SH3RF3: variants seen among roughly 807,000 people sequenced by gnomAD.
SH3RF3 encodes the protein E3 ubiquitin-protein ligase SH3RF3.
A neutral mutation model predicts 66.3 loss-of-function variants in SH3RF3; 29 were observed. That is an observed-to-expected ratio of 0.44 (90% CI 0.33 to 0.60). SH3RF3 has a LOEUF of 0.60. Ranked by LOEUF, SH3RF3 falls within the 20% of genes least tolerant of loss-of-function variation. The pLI, the probability that SH3RF3 is intolerant of heterozygous loss-of-function variation, is 0.04. For synonymous variants in SH3RF3, 583 were observed against 532.0 expected (o/e 1.10, Z -1.32); for missense variants, 1,194 against 1,190.9 (o/e 1.00, Z -0.04).
intron 1 of SH3RF3, among the ~76,000 whole-genome samples, chr2:109,165,310 T>C (rs993124311): frequency 6.6e-6 from 1 of 152,196 alleles, no homozygotes; most frequent in East Asian, 1.9e-4. Flanking sequence ...GGCCACTGTT[T>C]GCGTTTTCTC....
At chr2:109,227,731 G>A (rs1679403505) in intron 1 of SH3RF3, among the ~76,000 whole-genome samples, 2 of 152,200 alleles carry the variant, frequency 1.3e-5, no homozygotes, top group African/African-American at 4.8e-5. Context: ...CCAGAATCTT[G>A]TGCAGTCCTT....
At chr2:109,257,247 G>T (rs2105278337) in intron 1 of SH3RF3, among the ~76,000 whole-genome samples, 1 of 152,200 alleles carries the variant, frequency 6.6e-6, no homozygotes, top group South Asian at 2.1e-4. Flanking sequence ...AAGTCATGTT[G>T]TTCGTTCTGT....
intron 1 of SH3RF3, among the ~76,000 whole-genome samples, chr2:109,211,367 A>G (rs1678970704): frequency 6.6e-6 from 1 of 152,256 alleles, no homozygotes; most frequent in Admixed American, 6.5e-5. Context: ...ATTTAATGAA[A>G]TTCACAGAAG....
intron 1 of SH3RF3, among the ~76,000 whole-genome samples, chr2:109,172,322 C>T (rs576006276): frequency 2.0e-4 from 30 of 152,202 alleles, no homozygotes; most frequent in Non-Finnish European, 4.1e-4. Context: ...TTGCAAACAG[C>T]GTGGAAATGC....
intron 1 of SH3RF3, among the ~76,000 whole-genome samples, chr2:109,277,084 G>A (rs2105332791): frequency 6.6e-6 from 1 of 152,288 alleles, no homozygotes; most frequent in South Asian, 2.1e-4. Flanking sequence ...TCAGCCCCAC[G>A]CCGGCGGTCC....
intron 9 of SH3RF3, among the ~76,000 whole-genome samples, chr2:109,493,519 C>T (rs1679184199): frequency 6.6e-6 from 1 of 151,436 alleles, no homozygotes; most frequent in Non-Finnish European, 1.5e-5. Flanking sequence ...CTCACACACA[C>T]CATTGCATAC....
intron 9 of SH3RF3, among the ~76,000 whole-genome samples, chr2:109,491,344 G>A (rs912813781): frequency 5.3e-5 from 8 of 152,110 alleles, no homozygotes; most frequent in Non-Finnish European, 1.2e-4. Context: ...CTCTTCCCTC[G>A]CAAGCCTCAA....
chr2:109,218,868 A>G (rs1679161427), intron 1 of SH3RF3, among the ~76,000 whole-genome samples: 1 of 152,222 alleles, frequency 6.6e-6, no homozygotes. Context: ...CCCACAATCA[A>G]TGCAATTAAA....
Position 109,391,868 on chromosome 2 carries a change from C to G in SH3RF3, c.946-6722C>G, listed in dbSNP as rs190722334. ...CTTTTTTTTTTAATTAAGACAGGGT[C>G]TTACTCTGTCACCCAGGCTGAAGTG... On this transcript the variant is annotated intron_variant, in intron 3 of 9. Coordinates refer to ENST00000309415, the MANE Select transcript of SH3RF3 (RefSeq NM_001099289.3). Among the ~76,000 whole-genome samples, 54 of 152,188 alleles carry G rather than the reference C, an allele frequency of 3.5e-4. 1 individual carries two copies. The highest frequency in any genetic ancestry group is 3.4e-3 in the Admixed American group (52 of 15,274).
chr2:109,346,322 A>G (rs1682696137), intron 1 of SH3RF3, among the ~76,000 whole-genome samples: 3 of 152,162 alleles, frequency 2.0e-5, no homozygotes, highest in Admixed American at 1.3e-4. Context: ...ATAAATGTAG[A>G]ATGATTGAGT....
intron 1 of SH3RF3, among the ~76,000 whole-genome samples, chr2:109,146,172 A>G (rs1677090763): frequency 6.6e-6 from 1 of 152,108 alleles, no homozygotes; most frequent in African/African-American, 2.4e-5. Context: ...TACGTATTAG[A>G]ATGCATGGTA....
Position 109,229,725 on chromosome 2 carries a change from CAT to C in SH3RF3, c.573+99614_573+99615del, listed in dbSNP as rs200278087. 1.0e-2 allele frequency among the ~76,000 whole-genome samples: 1,521 copies of C among 152,230 alleles called. 11 individuals carry two copies. Among genetic ancestry groups the C allele is most frequent in the South Asian group, 0.024 (116 of 4,816 alleles). On this transcript the variant is annotated intron_variant, in intron 1 of 9. Transcript: ENST00000309415. The stretch of plus-strand genomic sequence containing the variant: ...TCTAGGTACCTCGTATAACTGGAAT[CAT>C]AGAATATTTGTCCTTTGTGTCTGGC...
chr2:109,398,128 C>A (rs1328994514), intron 3 of SH3RF3, among the ~76,000 whole-genome samples: 2 of 152,216 alleles, frequency 1.3e-5, no homozygotes, highest in African/African-American at 4.8e-5. Flanking sequence ...AAGTGCATTC[C>A]AGTCACATGC....
At chr2:109,479,350 T>TGG (rs1194456001) in intron 8 of SH3RF3, among the ~76,000 whole-genome samples, 1 of 152,194 alleles carries the variant, frequency 6.6e-6, no homozygotes, top group African/African-American at 2.4e-5. Flanking sequence ...CACAGTGTTG[T>TGG]GGCTGTATTT....
chr2:109,224,682 A>G (rs1197353401), intron 1 of SH3RF3, among the ~76,000 whole-genome samples: 1 of 151,992 alleles, frequency 6.6e-6, no homozygotes, highest in Non-Finnish European at 1.5e-5. Context: ...ACATGGTGAA[A>G]CCCCGTCTCT....
At chr2:109,243,830 A>G (rs529046914) in intron 1 of SH3RF3, among the ~76,000 whole-genome samples, 5 of 152,298 alleles carry the variant, frequency 3.3e-5, no homozygotes, top group African/African-American at 1.2e-4. Flanking sequence ...AAAGGCTGTA[A>G]TCAGGACAAT....
chr2:109,424,260 C>T (rs558755688), intron 5 of SH3RF3, among the ~76,000 whole-genome samples: 2 of 152,078 alleles, frequency 1.3e-5, no homozygotes, highest in Non-Finnish European at 2.9e-5. Flanking sequence ...TCAGGCTGCC[C>T]TTTGAAGGGG....
chr2:109,248,962 G>A (rs1201145002), intron 1 of SH3RF3, among the ~76,000 whole-genome samples: 1 of 151,584 alleles, frequency 6.6e-6, no homozygotes, highest in Non-Finnish European at 1.5e-5. Context: ...CTGGGATGCA[G>A]CCTCCAACTC....
intron 1 of SH3RF3, among the ~76,000 whole-genome samples, chr2:109,140,827 G>A (rs1020339553): frequency 2.6e-5 from 4 of 152,166 alleles, no homozygotes; most frequent in Non-Finnish European, 5.9e-5. Context: ...ACTAATCAGT[G>A]CCCCATCTTA....
Sources: gnomAD v4.1 joint callset for allele counts (sites outside exome capture counted in the v4.1 genomes callset) on GRCh38, gnomAD v4.1.1 for gene constraint, MANE v1.5 for transcripts, NCBI Gene and HGNC (gene_info 2026-07-23, HGNC 2026-07-21) for gene names.